ACP3: variants seen among roughly 807,000 people sequenced by gnomAD.
The protein encoded by ACP3 is prostatic acid phosphatase.
A neutral mutation model predicts 45.6 loss-of-function variants in ACP3; 38 were observed. The observed-to-expected ratio is 0.83, with a 90% CI of 0.64 to 1.09. The LOEUF is 1.09. Ranked by LOEUF, ACP3 falls within the 50% of genes least tolerant of loss-of-function variation. The pLI is 0.00. For missense variants in ACP3, 466 were observed against 463.2 expected (o/e 1.01, Z -0.05); for synonymous variants, 162 against 164.7 (o/e 0.98, Z 0.13).
chr3:132,363,116 C>A (rs1395924093), downstream of ACP3, among the ~76,000 whole-genome samples: 2 of 151,540 alleles, frequency 1.3e-5, no homozygotes, highest in Non-Finnish European at 2.9e-5. Context: ...AAATAAATAT[C>A]ACAGGGAGAG....
intron 5 of ACP3, 77 bp from the exon 6 acceptor site, chr3:132,342,475 T>C: frequency 9.6e-7 from 1 of 1,038,614 alleles, no homozygotes; most frequent in Non-Finnish European, 1.5e-6. Context: ...AACAAACAAT[T>C]GTCTGGCCCA....
intron 8 of ACP3, 42 bp downstream of exon 8, chr3:132,350,044 G>A (rs1937687300): frequency 7.3e-7 from 1 of 1,377,508 alleles, no homozygotes; most frequent in Non-Finnish European, 1.0e-6. Context: ...TTGTTCAAGT[G>A]TGTGATCTCT....
At chr3:132,324,649 ATTTATTTAT>A (rs1937265051) in intron 1 of ACP3, among the ~76,000 whole-genome samples, 1 of 151,800 alleles carries the variant, frequency 6.6e-6, no homozygotes, top group Admixed American at 6.6e-5. Context: ...TTTTATTTTT[ATTTATTTAT>A]TTTGAGACGG....
intron 9 of ACP3, among the ~76,000 whole-genome samples, chr3:132,354,360 T>C (rs1320326173): frequency 6.6e-6 from 1 of 152,204 alleles, no homozygotes; most frequent in East Asian, 1.9e-4. Flanking sequence ...TGCCTTGTTT[T>C]ACGACCCTGA....
intron 10 of ACP3, among the ~76,000 whole-genome samples, chr3:132,366,017 G>T (rs1938126295): frequency 6.6e-6 from 1 of 151,110 alleles, no homozygotes; most frequent in South Asian, 2.1e-4. Flanking sequence ...TTGTGGCCTT[G>T]TGGCCAGGTG....
intron 5 of ACP3, among the ~76,000 whole-genome samples, chr3:132,341,873 A>G (rs541870725): frequency 6.6e-6 from 1 of 152,374 alleles, no homozygotes; most frequent in East Asian, 1.9e-4. Flanking sequence ...AATATCTTCC[A>G]AAAAGGCTTC....
Position 132,349,323 on chromosome 3 carries a change from C to G in ACP3, c.782-597C>G, listed in dbSNP as rs916121400. Among the ~76,000 whole-genome samples, 3 of 152,304 alleles carry G rather than the reference C, an allele frequency of 2.0e-5. No homozygotes were observed. The East Asian group carries it at 5.8e-4, about 29-fold the overall frequency. ...CTCAAATGAAAGCTAAAGATGCTGG[C>G]TGTCCCCCCAATAGTGACACCTAGG... is the stretch of plus-strand genomic sequence containing the variant. On this transcript the variant is annotated intron_variant, in intron 7 of 9. Transcript: ENST00000336375.
chr3:132,347,182 T>C (rs1329967062), intron 7 of ACP3, among the ~76,000 whole-genome samples: 4 of 152,228 alleles, frequency 2.6e-5, no homozygotes, highest in Non-Finnish European at 5.9e-5. Flanking sequence ...CTGGCACTTG[T>C]ATGAAACCAG....
At chr3:132,355,816 T>C (rs1937879203) in intron 9 of ACP3, among the ~76,000 whole-genome samples, 1 of 152,236 alleles carries the variant, frequency 6.6e-6, no homozygotes, top group African/African-American at 2.4e-5. Flanking sequence ...GCGCCCAGCC[T>C]TATAGACATA....
At chr3:132,351,294 C>T (rs1937731415) in intron 8 of ACP3, among the ~76,000 whole-genome samples, 1 of 152,074 alleles carries the variant, frequency 6.6e-6, no homozygotes, top group Non-Finnish European at 1.5e-5. Flanking sequence ...CTTGGAGAAG[C>T]CAGGGAGAGA....
chr3:132,336,215 G>A (rs1438593707), intron 4 of ACP3, among the ~76,000 whole-genome samples: 6 of 152,072 alleles, frequency 3.9e-5, no homozygotes, highest in Middle Eastern at 3.2e-3. Context: ...AGCCGAGATC[G>A]CGCCACTGCA....
Position 132,337,529 on chromosome 3 carries a change from TC to T in ACP3, c.532del (p.Gln178ArgfsTer11), listed in dbSNP as rs1474230026. ...AGTGAGACTTTGAAATCAGAGGAAT[TC>T]CAGAAGAGGCTGCACCCTTATAAGG... is the stretch of plus-strand genomic sequence containing the variant. ...LESETLKSEE[F>X]QKRLHPYKDF... On this transcript the variant is annotated frameshift_variant, in exon 5 of 10. Coordinates refer to ENST00000336375, the MANE Select transcript of ACP3 (RefSeq NM_001099.5). LOFTEE classifies it high-confidence loss of function. The T allele has an allele frequency of 6.2e-7, 1 of 1,610,606 alleles. No homozygotes were observed. The highest frequency in any genetic ancestry group is 8.5e-7 in the Non-Finnish European group (1 of 1,177,258).
At chr3:132,346,180 C>G (rs1158533165) in intron 7 of ACP3, among the ~76,000 whole-genome samples, 1 of 152,114 alleles carries the variant, frequency 6.6e-6, no homozygotes, top group Non-Finnish European at 1.5e-5. Context: ...TTCACTGAGG[C>G]TACTTAACTA....
chr3:132,331,885 C>G, intron 3 of ACP3, 152 bp downstream of exon 3: 1 of 818,718 alleles, frequency 1.2e-6, no homozygotes, highest in Non-Finnish European at 1.9e-6. Context: ...AATTTTTGTT[C>G]CAAAAAGTTT....
Position 132,323,143 on chromosome 3 carries a change from G to A in ACP3, c.121-5124G>A, listed in dbSNP as rs142647220. Among the ~76,000 whole-genome samples the A allele has an allele frequency of 3.3e-3, 501 of 151,700 alleles. 4 individuals carry two copies. Among genetic ancestry groups the A allele is most frequent in the African/African-American group, 0.012 (479 of 41,196 alleles). ...GCAACAGAAAATGGGCTAAGACAGA[G>A]GGGAAAGACAAGAAGATGAAAGAAA... On this transcript the variant is annotated intron_variant, in intron 1 of 9. Transcript: ENST00000336375.
intron 1 of ACP3, among the ~76,000 whole-genome samples, chr3:132,323,046 T>C (rs928109380): frequency 7.9e-5 from 12 of 152,156 alleles, no homozygotes; most frequent in African/African-American, 2.9e-4. Flanking sequence ...TTGGACTTCC[T>C]AACCTCTAGA....
chr3:132,354,576 T>C (rs1937834225), intron 9 of ACP3, among the ~76,000 whole-genome samples: 1 of 152,206 alleles, frequency 6.6e-6, no homozygotes, highest in South Asian at 2.1e-4. Flanking sequence ...AGTTAACGAA[T>C]TCTGTCTAAG....
rs3221158 is a variant in ACP3, at chr3:132,348,999, T to TCACACACACACACACA, written c.782-906_782-905insACACACACACACACAC. On this transcript the variant is annotated intron_variant, in intron 7 of 9. Transcript: ENST00000336375. ...ATATCAATGCCCTGCTCATTACAAC[T>TCACACACACACACACA]CACACACACACACACCCTAACACAC... Among the ~76,000 whole-genome samples, 120 of 146,954 alleles carry TCACACACACACACACA rather than the reference T, an allele frequency of 8.2e-4. 1 individual carries two copies. Among genetic ancestry groups the TCACACACACACACACA allele is most frequent in the Middle Eastern group, 3.5e-3 (1 of 284 alleles).
chr3:132,346,868 G>T (rs959010127), intron 7 of ACP3, among the ~76,000 whole-genome samples: 1 of 152,160 alleles, frequency 6.6e-6, no homozygotes, highest in African/African-American at 2.4e-5. Context: ...AGAAACACAG[G>T]CCCCACTCCC....
Sources: gnomAD v4.1 joint callset for allele counts (sites outside exome capture counted in the v4.1 genomes callset) on GRCh38, gnomAD v4.1.1 for gene constraint, MANE v1.5 for transcripts, NCBI Gene and HGNC (gene_info 2026-07-23, HGNC 2026-07-21) for gene names.